UBASH3B: variants seen among roughly 807,000 people sequenced by gnomAD.
UBASH3B encodes the protein ubiquitin associated and SH3 domain containing B, also known as ubiquitin-associated and SH3 domain-containing protein B.
A neutral mutation model predicts 83.4 loss-of-function variants in UBASH3B; 37 were observed. The ratio of observed to expected loss-of-function variants is 0.44; its 90% CI spans 0.34 to 0.58. UBASH3B has a LOEUF of 0.58. Among genes scored for constraint, UBASH3B ranks in the 20% least tolerant of loss-of-function variants. The probability of loss-of-function intolerance (pLI) is 0.01; values close to 1 mark genes in which losing one functional copy is unlikely to be tolerated. For synonymous variants in UBASH3B, 304 were observed against 318.3 expected, an observed-to-expected ratio of 0.96 and a Z score of 0.48; for missense variants, 657 against 827.2, an observed-to-expected ratio of 0.79 and a Z score of 2.52.
chr11:122,768,062 G>A (rs1860581774), intron 1 of UBASH3B, among the ~76,000 whole-genome samples: 1 of 152,160 alleles, frequency 6.6e-6, no homozygotes, highest in Non-Finnish European at 1.5e-5. Flanking sequence ...GGATAAAAAT[G>A]ACTGCTAGCC....
chr11:122,693,302 C>T (rs544977214), intron 1 of UBASH3B, among the ~76,000 whole-genome samples: 42 of 152,266 alleles, frequency 2.8e-4, no homozygotes, highest in African/African-American at 8.9e-4. Flanking sequence ...TGGATGTATA[C>T]GTGCAGGTCA....
intron 1 of UBASH3B, among the ~76,000 whole-genome samples, chr11:122,701,968 C>T (rs1173858984): frequency 6.6e-6 from 1 of 152,150 alleles, no homozygotes; most frequent in Non-Finnish European, 1.5e-5. Flanking sequence ...ATCCTCCTGC[C>T]TCGGCCTCCC....
intron 5 of UBASH3B, 84 bp downstream of exon 5, chr11:122,783,306 A>G: frequency 1.3e-6 from 2 of 1,488,262 alleles, no homozygotes; most frequent in Non-Finnish European, 1.8e-6. Flanking sequence ...GGAGATGGGT[A>G]CCTACAGGGG....
intron 1 of UBASH3B, among the ~76,000 whole-genome samples, chr11:122,771,006 C>T (rs1282383872): frequency 2.0e-5 from 3 of 152,296 alleles, no homozygotes; most frequent in Middle Eastern, 3.4e-3. Context: ...TCTAAAGTGA[C>T]GCATAAGGCC....
At chr11:122,685,286 C>T (rs1455917864) in intron 1 of UBASH3B, among the ~76,000 whole-genome samples, 1 of 152,176 alleles carries the variant, frequency 6.6e-6, no homozygotes, top group Non-Finnish European at 1.5e-5. Flanking sequence ...GAGCAAAGAC[C>T]TTGACTGTCT....
In UBASH3B at chr11:122,794,801, G is replaced by T. The variant is rs763629367; in HGVS notation, c.1080G>T (p.Thr360=). 3 of 1,613,908 alleles carry T rather than the reference G, an allele frequency of 1.9e-6. No individual in the cohort carries two copies. Among genetic ancestry groups the T allele is most frequent in the Non-Finnish European group, 2.5e-6 (3 of 1,179,942 alleles). The change falls in exon 7 of 14, where the codon ACG becomes ACT. Residue 360 remains threonine, a synonymous_variant. Transcript: ENST00000284273. ...RPYEDQGLGE[T]TPLTIICQPM... ...ATGAGGACCAGGGGCTCGGGGAGAC[G>T]ACTCCTCTTACTATCATCTGCCAGC...
At chr11:122,738,921 T>G (rs1336048252) in intron 1 of UBASH3B, among the ~76,000 whole-genome samples, 1 of 151,748 alleles carries the variant, frequency 6.6e-6, no homozygotes, top group Admixed American at 6.6e-5. Flanking sequence ...TTTATGAATT[T>G]GAATATTTGA....
At position 122,798,859 on chromosome 11, in the gene UBASH3B, C is replaced by G. The variant is rs949833192; in HGVS notation, c.1358-83C>G. 57 of 1,070,626 alleles carry G rather than the reference C, an allele frequency of 5.3e-5. No homozygotes were observed. The South Asian group carries it at 7.7e-4, about 14-fold the overall frequency. 66.3% of individuals were successfully genotyped at this position (1,070,626 alleles called of 1,614,324 possible). On this transcript the variant is annotated intron_variant, in intron 9 of 13. Transcript: ENST00000284273. ...GGAAAGAGGGGTTTACAGGAGCTTA[C>G]TGCTTGGCCCCCTCTCACACTGCGG... is the stretch of plus-strand genomic sequence containing the variant.
At chr11:122,715,505 G>C (rs1448474209) in intron 1 of UBASH3B, among the ~76,000 whole-genome samples, 3 of 152,174 alleles carry the variant, frequency 2.0e-5, no homozygotes, top group Non-Finnish European at 4.4e-5. Flanking sequence ...TGTAGCTTTG[G>C]CATAGCTATC....
chr11:122,733,960 A>G (rs1393716741), intron 1 of UBASH3B, among the ~76,000 whole-genome samples: 1 of 152,030 alleles, frequency 6.6e-6, no homozygotes, highest in Non-Finnish European at 1.5e-5. Context: ...ATCTCAGCTC[A>G]CTGTAACCTC....
intron 1 of UBASH3B, among the ~76,000 whole-genome samples, chr11:122,670,235 A>G (rs1863576963): frequency 6.6e-6 from 1 of 152,184 alleles, no homozygotes; most frequent in Admixed American, 6.6e-5. Context: ...CAACTGTGAG[A>G]AAATGGGGAC....
At chr11:122,661,910 T>C (rs1424961990) in intron 1 of UBASH3B, among the ~76,000 whole-genome samples, 7 of 126,514 alleles carry the variant, frequency 5.5e-5, no homozygotes, top group South Asian at 2.6e-4. Flanking sequence ...TTTTTTCTTT[T>C]TTTTTTTTTT....
chr11:122,746,781 G>A (rs1374424803), intron 1 of UBASH3B, among the ~76,000 whole-genome samples: 5 of 152,142 alleles, frequency 3.3e-5, no homozygotes, highest in Admixed American at 2.0e-4. Context: ...CAGTTTTGAA[G>A]GCACCAAGTT....
chr11:122,805,209 G>C (rs1162883658), intron 11 of UBASH3B, among the ~76,000 whole-genome samples: 2 of 152,218 alleles, frequency 1.3e-5, no homozygotes, highest in Non-Finnish European at 2.9e-5. Context: ...CAAAGAGAGA[G>C]CTTGTGCAGG....
intron 1 of UBASH3B, among the ~76,000 whole-genome samples, chr11:122,740,165 A>T (rs1002967126): frequency 2.0e-5 from 3 of 152,204 alleles, no homozygotes; most frequent in Non-Finnish European, 4.4e-5. Flanking sequence ...GAAGGATCCC[A>T]TATTTTGTGG....
At chr11:122,800,997 A>C (rs759981916) in intron 10 of UBASH3B, among the ~76,000 whole-genome samples, 191 bp from the exon 11 acceptor site, 1 of 152,176 alleles carries the variant, frequency 6.6e-6, no homozygotes, top group Admixed American at 6.5e-5. Context: ...GTACGGCAGG[A>C]GTATTAAACT....
At chr11:122,685,208 C>T (rs951677067) in intron 1 of UBASH3B, among the ~76,000 whole-genome samples, 2 of 152,162 alleles carry the variant, frequency 1.3e-5, no homozygotes, top group Non-Finnish European at 2.9e-5. Flanking sequence ...GGACAACTTG[C>T]CTTGTTTTTC....
intron 1 of UBASH3B, among the ~76,000 whole-genome samples, chr11:122,671,007 C>T (rs1259393687): frequency 1.3e-5 from 2 of 152,024 alleles, no homozygotes; most frequent in African/African-American, 4.8e-5. Context: ...AGGTGATCTG[C>T]CCACCTCGGC....
intron 1 of UBASH3B, among the ~76,000 whole-genome samples, chr11:122,715,152 A>T (rs962593133): frequency 6.6e-6 from 1 of 152,114 alleles, no homozygotes; most frequent in Non-Finnish European, 1.5e-5. Context: ...TCACCGTGTT[A>T]GCCAGGATGG....
Sources: allele counts gnomAD v4.1 joint callset (sites outside exome capture counted in the v4.1 genomes callset), GRCh38; gene constraint gnomAD v4.1.1; transcripts MANE v1.5; gene names NCBI Gene and HGNC (gene_info 2026-07-23, HGNC 2026-07-21).